The following ANK2 variants were observed in gnomAD, a reference collection of about 807,000 sequenced individuals.
The protein encoded by ANK2 is ankyrin-2.
Under a neutral mutation model 360.5 loss-of-function variants are expected in ANK2, and 83 were observed. The observed-to-expected ratio is 0.23, with a 90% CI of 0.19 to 0.28. The LOEUF (loss-of-function observed/expected upper bound fraction) is 0.28, where lower values mean the gene tolerates loss of function less well. Among genes scored for constraint, ANK2 ranks in the 10% least tolerant of loss-of-function variants. The pLI, the probability that ANK2 is intolerant of heterozygous loss-of-function variation, is 1.00. For synonymous variants in ANK2, 1,740 were observed against 1,759.5 expected, an observed-to-expected ratio of 0.99 and a Z score of 0.28; for missense variants, 4,201 against 4,795.7, an observed-to-expected ratio of 0.88 and a Z score of 3.66.
intron 1 of ANK2, among the ~76,000 whole-genome samples, chr4:113,100,696 A>T (rs2092687240): frequency 6.6e-6 from 1 of 152,130 alleles, no homozygotes; most frequent in Admixed American, 6.6e-5. Flanking sequence ...CAGCAGCTTT[A>T]TTCATAATTG....
intron 2 of ANK2, among the ~76,000 whole-genome samples, chr4:113,028,823 C>T (rs559081314): frequency 6.6e-6 from 1 of 152,256 alleles, no homozygotes; most frequent in African/African-American, 2.4e-5. Context: ...AAATGATTCA[C>T]TAACTCCCGG....
intron 2 of ANK2, among the ~76,000 whole-genome samples, chr4:112,905,052 TA>T (rs1190553715): frequency 6.6e-6 from 1 of 152,168 alleles, no homozygotes; most frequent in East Asian, 1.9e-4. Context: ...ATATTAGACT[TA>T]AATGATAGAA....
intron 2 of ANK2, among the ~76,000 whole-genome samples, chr4:113,017,604 T>G (rs946477306): frequency 2.0e-5 from 3 of 152,238 alleles, no homozygotes; most frequent in Admixed American, 1.3e-4. Context: ...AAACCCATAT[T>G]ATTTGGGTTC....
intron 2 of ANK2, among the ~76,000 whole-genome samples, chr4:112,997,105 A>C (rs1420320509): frequency 6.6e-6 from 1 of 152,012 alleles, no homozygotes; most frequent in East Asian, 1.9e-4. Context: ...TTAGGCTTTT[A>C]ATGTCACTCT....
At chr4:112,990,028 T>G (rs2046227772) in intron 2 of ANK2, among the ~76,000 whole-genome samples, 3 of 152,258 alleles carry the variant, frequency 2.0e-5, no homozygotes, top group African/African-American at 7.2e-5. Flanking sequence ...CCTAATGCTT[T>G]GGGAGCCTGA....
chr4:113,073,160 C>T (rs1456925509), intron 1 of ANK2, among the ~76,000 whole-genome samples: 1 of 151,574 alleles, frequency 6.6e-6, no homozygotes, highest in Non-Finnish European at 1.5e-5. Context: ...TGGGGTTTCA[C>T]CATGTTGGCC....
chr4:113,073,012 A>G (rs1210696625), intron 1 of ANK2, among the ~76,000 whole-genome samples: 3 of 114,054 alleles, frequency 2.6e-5, no homozygotes, highest in South Asian at 6.2e-4. Context: ...CTCAGGCTGG[A>G]GTACAGTGGT....
intron 4 of ANK2, among the ~76,000 whole-genome samples, chr4:113,228,053 C>A (rs1215927524): frequency 6.6e-6 from 1 of 152,164 alleles, no homozygotes; most frequent in Non-Finnish European, 1.5e-5. Flanking sequence ...GAAGTTGTAG[C>A]ACACCAGGGT....
At chr4:113,260,325 A>G (rs1355848379) in intron 13 of ANK2, among the ~76,000 whole-genome samples, 1 of 152,214 alleles carries the variant, frequency 6.6e-6, no homozygotes, top group Non-Finnish European at 1.5e-5. Context: ...CAATTTTGAC[A>G]TATTTTTCAG....
chr4:112,805,144 C>T, the ANK2 span, among the ~76,000 whole-genome samples: 10 of 152,060 alleles, frequency 6.6e-5, no homozygotes, highest in Admixed American at 3.3e-4. Context: ...GAAGTAGCCA[C>T]GGAAAGGAGG....
chr4:113,345,923 T>C lies in ANK2; in HGVS notation c.4272T>C (p.Pro1424=). 1 of 1,613,640 alleles carries C rather than the reference T, an allele frequency of 6.2e-7. No homozygotes were observed. The highest frequency in any genetic ancestry group is 1.3e-5 in the African/African-American group (1 of 75,016). ...FVKVRDTTQE[P]CGRLSFMKEP... Reference sequence around the variant, plus strand: ...AGGTACGCGATACGACTCAGGAACCTTGCGGACGACTATCATTTATGAAGG... The same window carrying C: ...AGGTACGCGATACGACTCAGGAACCCTGCGGACGACTATCATTTATGAAGG... Residue 1424 remains proline, a synonymous_variant, in exon 35 of 46, where the codon CCT becomes CCC. Coordinates refer to ENST00000357077, the MANE Select transcript of ANK2 (RefSeq NM_001148.6).
chr4:113,016,071 CAGG>C, intron 2 of ANK2, among the ~76,000 whole-genome samples: 1 of 151,708 alleles, frequency 6.6e-6, no homozygotes, highest in Non-Finnish European at 1.5e-5. Flanking sequence ...GTCACTCAGG[CAGG>C]AGTTCAGTGG....
At chr4:113,285,455 G>T (rs2064077799) in intron 18 of ANK2, among the ~76,000 whole-genome samples, 1 of 152,158 alleles carries the variant, frequency 6.6e-6, no homozygotes, top group African/African-American at 2.4e-5. Context: ...CTCCCTTTGA[G>T]TTCCATTAAT....
intron 2 of ANK2, among the ~76,000 whole-genome samples, chr4:113,041,184 C>A (rs1212143831): frequency 6.6e-6 from 1 of 152,062 alleles, no homozygotes; most frequent in Non-Finnish European, 1.5e-5. Context: ...CAGATTTTAT[C>A]ATTTCACTTA....
chr4:113,243,937 A>C (rs2041423769), intron 9 of ANK2, among the ~76,000 whole-genome samples: 1 of 152,214 alleles, frequency 6.6e-6, no homozygotes, highest in Non-Finnish European at 1.5e-5. Flanking sequence ...GTATTAACTC[A>C]TTATTAAGAT....
chr4:112,958,429 C>A (rs911604408), intron 2 of ANK2, among the ~76,000 whole-genome samples: 1 of 152,110 alleles, frequency 6.6e-6, no homozygotes, highest in South Asian at 2.1e-4. Flanking sequence ...CCATCTCCAC[C>A]AAAAAAATAC....
intron 4 of ANK2, among the ~76,000 whole-genome samples, chr4:113,206,404 C>T (rs138095546): frequency 3.5e-4 from 54 of 152,238 alleles, no homozygotes; most frequent in East Asian, 9.7e-4. Flanking sequence ...TCCATGTTCC[C>T]GCAAAGGACA....
chr4:112,890,993 T>G (rs984030058), intron 1 of ANK2, among the ~76,000 whole-genome samples: 4 of 152,220 alleles, frequency 2.6e-5, no homozygotes, highest in African/African-American at 9.6e-5. Context: ...GAAACTGTGT[T>G]CCAAAGAATA....
chr4:113,378,277 A>G (rs1450037411), intron 45 of ANK2: 1 of 443,854 alleles, frequency 2.3e-6, no homozygotes, highest in Non-Finnish European at 3.9e-6. Context: ...ATCTACCCTA[A>G]AGAGGATAGA....
Sources: allele counts gnomAD v4.1 joint callset (sites outside exome capture counted in the v4.1 genomes callset), GRCh38; gene constraint gnomAD v4.1.1; transcripts MANE v1.5; gene names NCBI Gene and HGNC (gene_info 2026-07-23, HGNC 2026-07-21).